HSFY2: variants seen among roughly 807,000 people sequenced by gnomAD.
HSFY2 encodes the protein heat shock transcription factor, Y-linked.
At position 18,759,191 on chromosome Y, in the gene HSFY2, C is replaced by A. The variant is rs1603536462; in HGVS notation, c.513+13915G>T. Among the ~76,000 whole-genome samples the A allele has an allele frequency of 2.0e-4, 4 of 20,220 alleles. No homozygotes were observed. In the East Asian group the frequency reaches 6.5e-3, roughly 33 times the overall value. The allele number at this position is 20,220 out of a possible 37,273, so 54.2% of individuals were successfully genotyped here. A position where few individuals can be genotyped will look rare whatever the true frequency, so the allele number is the denominator to read the frequency against. ...ACTTGATGTTCAAGTTTAATAGCAC[C>A]CTGATAAAGGTATGCTTCCTTCCTC... On this transcript the variant is annotated intron_variant, in intron 1 of 1. Coordinates refer to the HSFY2 transcript ENST00000344884.
Sources: gnomAD v4.1 joint callset for allele counts (sites outside exome capture counted in the v4.1 genomes callset) on GRCh38, gnomAD v4.1.1 for gene constraint, MANE v1.5 for transcripts, NCBI Gene and HGNC (gene_info 2026-07-23, HGNC 2026-07-21) for gene names.